Variants in RSPH1 observed in about 807,000 individuals in gnomAD.
RSPH1 encodes the protein radial spoke head 1 homolog.
In RSPH1, 32 loss-of-function variants were observed where a neutral mutation model predicts 44.2. The ratio of observed to expected loss-of-function variants is 0.72; its 90% CI spans 0.55 to 0.97. The LOEUF (loss-of-function observed/expected upper bound fraction) is 0.97, where lower values mean the gene tolerates loss of function less well. Ranked by LOEUF, RSPH1 falls within the 50% of genes least tolerant of loss-of-function variation. RSPH1 has a pLI of 0.00. For synonymous variants in RSPH1, 134 were observed against 147.3 expected (o/e 0.91, Z 0.65); for missense variants, 391 against 398.7 (o/e 0.98, Z 0.16).
At position 42,475,884 on chromosome 21, in the gene RSPH1, C is replaced by T. The variant is rs1057501981; in HGVS notation, c.877+14G>A. ...TGCGGGCCCTCGCCCCACTTCCCTG[C>T]GCAGGGACCTCACCCTCATCCATGT... On this transcript the variant is annotated intron_variant, in intron 8 of 8. Coordinates refer to ENST00000291536, the MANE Select transcript of RSPH1 (RefSeq NM_080860.4). The T allele has an allele frequency of 1.4e-5, 23 of 1,608,942 alleles. No individual in the cohort carries two copies. Among genetic ancestry groups the T allele is most frequent in the East Asian group, 4.5e-5 (2 of 44,576 alleles).
chr21:42,476,810 C>G (rs1011591357), intron 7 of RSPH1, among the ~76,000 whole-genome samples: 5 of 152,310 alleles, frequency 3.3e-5, no homozygotes, highest in African/African-American at 1.2e-4. Context: ...CCCCTCCGCT[C>G]TCCGGGAGTG....
In RSPH1 at chr21:42,474,100, G is replaced by A. The variant is rs922865922; in HGVS notation, c.878-1230C>T. ...GTTTCTGGGGCCTCCTGCCTTGCCTGGCTCCAGGGCACCCATCCTCATTGC... is the reference window on the plus strand; with the variant it reads ...GTTTCTGGGGCCTCCTGCCTTGCCTAGCTCCAGGGCACCCATCCTCATTGC... On this transcript the variant is annotated intron_variant, in intron 8 of 8. Transcript: ENST00000291536. This position sits in a 1 kb window ranked among gnomAD's most constrained non-coding sequence, Gnocchi z 5.2. Among the ~76,000 whole-genome samples, 1 of 152,294 alleles carries A rather than the reference G, an allele frequency of 6.6e-6. No individual in the cohort carries two copies. The highest frequency in any genetic ancestry group is 2.1e-4 in the South Asian group (1 of 4,826).
Position 42,485,666 on chromosome 21 carries a change from T to TA in RSPH1, c.501+2dup, listed in dbSNP as rs1568964336. The TA allele has an allele frequency of 1.9e-6, 3 of 1,614,004 alleles. No individual in the cohort carries two copies. The highest frequency in any genetic ancestry group is 1.7e-5 in the Admixed American group (1 of 60,000). ...TGGCAAATGTCACTTCCCATGGACT[T>TA]ACATTTTTGTTCAAGAACTTGCCCT... On this transcript the variant is annotated splice_region_variant and intron_variant, in intron 5 of 8. Coordinates refer to ENST00000291536, the MANE Select transcript of RSPH1 (RefSeq NM_080860.4).
At chr21:42,481,917 GAGAA>G (rs2054131474) in intron 6 of RSPH1, among the ~76,000 whole-genome samples, 1 of 152,196 alleles carries the variant, frequency 6.6e-6, no homozygotes, top group South Asian at 2.1e-4. Flanking sequence ...GAAAAAACAA[GAGAA>G]AGACTTACCA....
intron 1 of RSPH1, among the ~76,000 whole-genome samples, chr21:42,494,771 C>T (rs2054270827): frequency 6.6e-6 from 1 of 151,404 alleles, no homozygotes; most frequent in Non-Finnish European, 1.5e-5. Flanking sequence ...GTGATCTCGG[C>T]TCACTGCAAC....
chr21:42,479,398 G>C (rs1420896649), intron 6 of RSPH1, among the ~76,000 whole-genome samples: 2 of 152,218 alleles, frequency 1.3e-5, no homozygotes, highest in African/African-American at 4.8e-5. Context: ...AGATGTTACT[G>C]ATGCTCCTTC....
Position 42,476,001 on chromosome 21 carries a change from G to A in RSPH1, c.774C>T (p.Phe258=), listed in dbSNP as rs144996547. The change falls in exon 8 of 9, where the codon TTC becomes TTT. Residue 258 remains phenylalanine, a synonymous_variant. Transcript: ENST00000291536. ...CAGGCCTCATGTCCATCTCACCCTC[G>A]AAGCCCTCCAGCAGAGCCTGGGCCT... The part of the protein sequence containing the change: ...GEEAQALLEG[F]EGEMDMRPGD... 1.1e-4 allele frequency: 179 copies of A among 1,612,886 alleles called. No homozygotes were observed. In the East Asian group the frequency reaches 1.4e-3, roughly 12 times the overall value.
chr21:42,494,704 ATTTT>A (rs113496002), intron 1 of RSPH1, among the ~76,000 whole-genome samples: 2 of 145,632 alleles, frequency 1.4e-5, no homozygotes, highest in Admixed American at 1.4e-4. Flanking sequence ...TGAACAAGTG[ATTTT>A]TTTTTTTTTT....
Position 42,492,826 on chromosome 21 carries a change from C to G in RSPH1, c.206G>C (p.Gly69Ala). 3.7e-6 allele frequency: 6 copies of G among 1,613,462 alleles called. No individual in the cohort carries two copies. Among genetic ancestry groups the G allele is most frequent in the Non-Finnish European group, 5.1e-6 (6 of 1,179,390 alleles). Residue 69 changes from glycine (G) to alanine (A), a missense_variant, in exon 3 of 9, where the codon GGA becomes GCA. By Grantham distance (60) the Gly-to-Ala change is moderately conservative (BLOSUM62 0). Transcript: ENST00000291536. Reference sequence around the variant, plus strand: ...GTGCTTTTTATTTCTAACATATTCTCCGATATATCGAGCACCATTTTTAAA... The same window carrying G: ...GTGCTTTTTATTTCTAACATATTCTGCGATATATCGAGCACCATTTTTAAA... ...YKFKNGARYI[G>A]EYVRNKKHGQ... is the part of the protein sequence containing the mutation.
chr21:42,472,956 GA>G, intron 8 of RSPH1, 86 bp from the exon 9 acceptor site: 6 of 955,464 alleles, frequency 6.3e-6, no homozygotes, highest in East Asian at 2.6e-5. Flanking sequence ...ATCTTTTGCC[GA>G]AAAAAATTAT....
chr21:42,492,552 AC>A (rs1295767327), intron 3 of RSPH1, among the ~76,000 whole-genome samples: 1 of 152,214 alleles, frequency 6.6e-6, no homozygotes, highest in Non-Finnish European at 1.5e-5. Context: ...ATTTCCCACT[AC>A]AGATTCATTA....
chr21:42,473,631 G>A (rs2054015481), intron 8 of RSPH1, among the ~76,000 whole-genome samples: 1 of 152,068 alleles, frequency 6.6e-6, no homozygotes, highest in Admixed American at 6.5e-5. Context: ...GAAGAAATTA[G>A]CAGGGTAAAT....
rs2054022682 is a variant in RSPH1, at chr21:42,474,377, A to T, written c.878-1507T>A. ...CTGGTCCTGCCCCAGGTGAGTCATC[A>T]CCTCTCCTGGGTACATGGTAACACG... On this transcript the variant is annotated intron_variant, in intron 8 of 8. Coordinates refer to ENST00000291536, the MANE Select transcript of RSPH1 (RefSeq NM_080860.4). This position sits in a 1 kb window ranked among gnomAD's most constrained non-coding sequence, Gnocchi z 5.2. Among the ~76,000 whole-genome samples the T allele has an allele frequency of 6.6e-6, 1 of 151,130 alleles. No individual in the cohort carries two copies. The highest frequency in any genetic ancestry group is 1.5e-5 in the Non-Finnish European group (1 of 67,922).
chr21:42,482,804 A>C, intron 5 of RSPH1, 96 bp from the exon 6 acceptor site: 4 of 837,888 alleles, frequency 4.8e-6, no homozygotes, highest in Non-Finnish European at 7.8e-6. Context: ...AAATCACCAA[A>C]TTGGGTAAAG....
At chr21:42,493,133 G>T in intron 1 of RSPH1, 54 bp from the exon 2 acceptor site, 1 of 1,423,204 alleles carries the variant, frequency 7.0e-7, no homozygotes, top group Non-Finnish European at 9.9e-7. Context: ...GCGCTAACCA[G>T]GTGCTAAGCA....
At chr21:42,473,880 C>T (rs138749032) in intron 8 of RSPH1, among the ~76,000 whole-genome samples, 1 of 152,270 alleles carries the variant, frequency 6.6e-6, no homozygotes, top group South Asian at 2.1e-4. Context: ...TCCCAAGTCT[C>T]CAGACATTGC....
chr21:42,493,836 C>T lies in RSPH1; in HGVS notation c.55-757G>A, dbSNP rs139307384. ...CACAATCTCAGCTCACTGCAACCTC[C>T]GCCTCCCAGGCTCCAGTGATCCTTC... On this transcript the variant is annotated intron_variant, in intron 1 of 8. Coordinates refer to ENST00000291536, the MANE Select transcript of RSPH1 (RefSeq NM_080860.4). 1.6e-3 allele frequency among the ~76,000 whole-genome samples: 237 copies of T among 152,312 alleles called. 1 individual carries two copies. Among genetic ancestry groups the T allele is most frequent in the Non-Finnish European group, 2.2e-3 (150 of 68,030 alleles).
intron 8 of RSPH1, among the ~76,000 whole-genome samples, chr21:42,473,555 G>A (rs554637176): frequency 1.4e-5 from 2 of 147,096 alleles, no homozygotes; most frequent in Admixed American, 6.8e-5. Context: ...TAAATGTTTT[G>A]TGAAAGGTAG....
intron 1 of RSPH1, among the ~76,000 whole-genome samples, chr21:42,495,504 C>T (rs2054278871): frequency 6.6e-6 from 1 of 152,230 alleles, no homozygotes; most frequent in Non-Finnish European, 1.5e-5. Context: ...TATTCCCACA[C>T]AGAACCCAGC....
Sources: allele counts gnomAD v4.1 joint callset (sites outside exome capture counted in the v4.1 genomes callset), GRCh38; gene constraint gnomAD v4.1.1; non-coding constraint Gnocchi (gnomAD v3.1); transcripts MANE v1.5; gene names NCBI Gene and HGNC (gene_info 2026-07-23, HGNC 2026-07-21).